The following IMMP2L variants were observed in gnomAD, a reference collection of about 807,000 sequenced individuals.
The protein encoded by IMMP2L is mitochondrial inner membrane protease subunit 2.
IMMP2L carries 18 observed loss-of-function variants against 19.3 expected under a neutral mutation model. The observed-to-expected ratio is 0.93, with a 90% CI of 0.64 to 1.38. The LOEUF is 1.38. Ranked by LOEUF, IMMP2L falls within the 40% of genes most tolerant of loss-of-function variation. The pLI is 0.00. For missense variants in IMMP2L, 233 were observed against 218.2 expected, an observed-to-expected ratio of 1.07 and a Z score of -0.43; for synonymous variants, 76 against 73.0, an observed-to-expected ratio of 1.04 and a Z score of -0.21.
At chr7:111,269,807 C>G (rs1584375700) in intron 3 of IMMP2L, among the ~76,000 whole-genome samples, 2 of 152,072 alleles carry the variant, frequency 1.3e-5, no homozygotes, top group Non-Finnish European at 2.9e-5. Flanking sequence ...AAATGCTATC[C>G]TAAAGTATAT....
At chr7:110,793,257 T>C (rs1368760304) in intron 5 of IMMP2L, among the ~76,000 whole-genome samples, 2 of 151,820 alleles carry the variant, frequency 1.3e-5, no homozygotes, top group Non-Finnish European at 2.9e-5. Flanking sequence ...CCGTCTCTAC[T>C]AAAAACCTCC....
At chr7:111,009,508 A>G (rs980519274) in intron 3 of IMMP2L, among the ~76,000 whole-genome samples, 1 of 152,100 alleles carries the variant, frequency 6.6e-6, no homozygotes, top group African/African-American at 2.4e-5. Context: ...AAAAATGCCA[A>G]TAATGATGAC....
chr7:110,699,156 T>C (rs1004835321), intron 5 of IMMP2L, among the ~76,000 whole-genome samples: 3 of 152,162 alleles, frequency 2.0e-5, no homozygotes, highest in African/African-American at 7.2e-5. Flanking sequence ...TATTCTTTCT[T>C]CCCTGCCTCA....
At chr7:111,474,685 T>G (rs903283157) in intron 3 of IMMP2L, among the ~76,000 whole-genome samples, 4 of 152,102 alleles carry the variant, frequency 2.6e-5, no homozygotes, top group African/African-American at 9.7e-5. Flanking sequence ...CCCCCCTTGA[T>G]TTATTACAAA....
intron 3 of IMMP2L, among the ~76,000 whole-genome samples, chr7:111,258,012 T>C (rs1040982778): frequency 2.0e-5 from 3 of 152,030 alleles, no homozygotes; most frequent in Admixed American, 2.0e-4. Flanking sequence ...ACTCCACTTA[T>C]GAGTGAGAAC....
At chr7:110,680,302 C>T (rs111283968) in intron 5 of IMMP2L, among the ~76,000 whole-genome samples, 1 of 152,058 alleles carries the variant, frequency 6.6e-6, no homozygotes, top group South Asian at 2.1e-4. Flanking sequence ...AGAGACAATT[C>T]CTGATTCCAA....
At chr7:111,507,750 T>G (rs1398582221) in intron 2 of IMMP2L, among the ~76,000 whole-genome samples, 10 of 152,180 alleles carry the variant, frequency 6.6e-5, no homozygotes, top group African/African-American at 2.4e-4. Context: ...ACAACCAAAA[T>G]GTATCTGCTT....
At chr7:110,888,513 T>A (rs1360189844) in intron 4 of IMMP2L, among the ~76,000 whole-genome samples, 1 of 152,150 alleles carries the variant, frequency 6.6e-6, no homozygotes, top group Non-Finnish European at 1.5e-5. Context: ...AAAACCAGCA[T>A]AAAATCATTT....
intron 3 of IMMP2L, among the ~76,000 whole-genome samples, chr7:111,295,985 T>TAAAAAAAAAAAAAAAAAAAAAAAAA (rs3052106): frequency 7.3e-6 from 1 of 136,318 alleles, no homozygotes; most frequent in African/African-American, 2.6e-5. Flanking sequence ...GAAAGAATGT[T>TAAAAAAAAAAAAAAAAAAAAAAAAA]AAAAAAAAAA....
chr7:111,520,493 A>G lies in IMMP2L; in HGVS notation c.135+820T>C, dbSNP rs1846231781. ...TTCTAACTCCTTAAAGCTGATAACT[A>G]TGCCCTTAACTAGTTCTAACTGAAA... On this transcript the variant is annotated intron_variant, in intron 2 of 5. Transcript: ENST00000405709. Among the ~76,000 whole-genome samples, 3 of 152,138 alleles carry G rather than the reference A, an allele frequency of 2.0e-5. No individual in the cohort carries two copies. In the South Asian group the frequency reaches 6.2e-4, roughly 31 times the overall value.
chr7:110,950,699 T>C (rs376053911), intron 4 of IMMP2L, among the ~76,000 whole-genome samples: 2 of 151,586 alleles, frequency 1.3e-5, no homozygotes, highest in African/African-American at 4.8e-5. Flanking sequence ...GGTAGAATGA[T>C]ATAGTAATGG....
intron 4 of IMMP2L, among the ~76,000 whole-genome samples, chr7:110,931,185 G>A (rs1815442453): frequency 6.6e-6 from 1 of 152,132 alleles, no homozygotes; most frequent in African/African-American, 2.4e-5. Context: ...TATATGTTTT[G>A]CAGGAAAGTT....
intron 5 of IMMP2L, among the ~76,000 whole-genome samples, chr7:110,775,117 T>C (rs1464321426): frequency 6.6e-6 from 1 of 152,074 alleles, no homozygotes; most frequent in East Asian, 1.9e-4. Context: ...AATTTATGCA[T>C]ATAGAAAATA....
At chr7:111,085,326 T>C (rs947392025) in intron 3 of IMMP2L, among the ~76,000 whole-genome samples, 3 of 152,232 alleles carry the variant, frequency 2.0e-5, no homozygotes, top group Non-Finnish European at 2.9e-5. Context: ...GGAATCACTG[T>C]CTTCCAAAGC....
intron 5 of IMMP2L, among the ~76,000 whole-genome samples, chr7:110,796,600 T>C (rs1288598390): frequency 6.6e-6 from 1 of 152,012 alleles, no homozygotes. Flanking sequence ...ATATACACTA[T>C]ATTATGTTAT....
At chr7:111,067,901 A>G (rs940891449) in intron 3 of IMMP2L, among the ~76,000 whole-genome samples, 1 of 152,212 alleles carries the variant, frequency 6.6e-6, no homozygotes, top group East Asian at 1.9e-4. Context: ...TCTCTAACAG[A>G]TAAGAGAATC....
At chr7:110,946,687 A>G in intron 4 of IMMP2L, among the ~76,000 whole-genome samples, 1 of 150,618 alleles carries the variant, frequency 6.6e-6, no homozygotes, top group East Asian at 1.9e-4. Flanking sequence ...CGACATTAAC[A>G]TATTAAAACT....
chr7:111,372,219 C>G (rs899545299), intron 3 of IMMP2L, among the ~76,000 whole-genome samples: 1 of 151,732 alleles, frequency 6.6e-6, no homozygotes, highest in African/African-American at 2.4e-5. Flanking sequence ...ATTGCATACC[C>G]GTATCAAAAC....
intron 4 of IMMP2L, among the ~76,000 whole-genome samples, chr7:110,954,429 A>G (rs962773436): frequency 2.6e-5 from 4 of 152,148 alleles, no homozygotes; most frequent in African/African-American, 7.2e-5. Flanking sequence ...AGACAGGAAC[A>G]GTGTTTAACA....
Sources: allele counts gnomAD v4.1 joint callset (sites outside exome capture counted in the v4.1 genomes callset), GRCh38; gene constraint gnomAD v4.1.1; transcripts MANE v1.5; gene names NCBI Gene and HGNC (gene_info 2026-07-23, HGNC 2026-07-21).